The following LHX4 variants were observed in gnomAD, a reference collection of about 807,000 sequenced individuals.
LHX4 encodes the protein LIM/homeobox protein Lhx4.
LHX4 carries 16 observed loss-of-function variants against 39.2 expected under a neutral mutation model. The observed-to-expected ratio is 0.41, with a 90% CI of 0.28 to 0.62. The LOEUF is 0.62. LHX4 is among the 20% of genes least tolerant of loss of function. LHX4 has a pLI of 0.33. For synonymous variants in LHX4, 206 were observed against 198.1 expected, an observed-to-expected ratio of 1.04 and a Z score of -0.33; for missense variants, 439 against 511.9, an observed-to-expected ratio of 0.86 and a Z score of 1.37.
chr1:180,273,032 C>CT (rs149593456), intron 5 of LHX4: 14,166 of 152,256 alleles, frequency 0.093, 871 homozygotes, highest in Admixed American at 0.19. Context: ...TTCCTGCTCC[C>CT]TTTAAAGAGC....
intron 2 of LHX4, 171 bp downstream of exon 2, chr1:180,248,627 C>T: frequency 1.4e-6 from 1 of 720,384 alleles, no homozygotes; most frequent in Admixed American, 2.0e-5. Context: ...CCCTTCTGAT[C>T]ACTGGCCCAT....
intron 3 of LHX4, among the ~76,000 whole-genome samples, chr1:180,267,333 C>T (rs1310099416): frequency 1.3e-5 from 2 of 152,274 alleles, no homozygotes; most frequent in Non-Finnish European, 2.9e-5. Flanking sequence ...AGTCAGGTCC[C>T]GCATTTAGCA....
rs982611927 is a variant in LHX4 at position 180,278,559 on chromosome 1, G to A, written c.*3980G>A. On this transcript the variant is annotated 3_prime_UTR_variant, in exon 6 of 6. Coordinates refer to ENST00000263726, the MANE Select transcript of LHX4 (RefSeq NM_033343.4). The stretch of plus-strand genomic sequence containing the variant: ...TGCACCAAGCATTCCTTTGCTTAGG[G>A]AGGCAGAGCACAGGTGAACAGAGGA... 6.6e-6 allele frequency: 1 copy of A among 151,946 alleles called. No individual in the cohort carries two copies. Among genetic ancestry groups the A allele is most frequent in the Admixed American group, 6.6e-5 (1 of 15,232 alleles). 9.4% of individuals were successfully genotyped at this position (151,946 alleles called of 1,614,324 possible).
At chr1:180,251,948 G>T (rs1481824085) in intron 2 of LHX4, among the ~76,000 whole-genome samples, 3 of 152,154 alleles carry the variant, frequency 2.0e-5, no homozygotes, top group Non-Finnish European at 2.9e-5. Flanking sequence ...TGAAGACCAG[G>T]TGGCTCTGAA....
rs1648306946 is a variant in LHX4 at position 180,266,242 on chromosome 1, G to C, written c.249-150G>C. 1.4e-6 allele frequency: 1 copy of C among 736,074 alleles called. No homozygotes were observed. Among genetic ancestry groups the C allele is most frequent in the East Asian group, 2.6e-5 (1 of 38,032 alleles). 45.6% of individuals were successfully genotyped at this position (736,074 alleles called of 1,614,324 possible). ...AGCAATGAAGCTAGATGGAGGCAGA[G>C]AGGACCAGACGGTAAGCTCTGGGTG... On this transcript the variant is annotated intron_variant, in intron 2 of 5. Transcript: ENST00000263726. This position sits in a 1 kb window ranked among gnomAD's most constrained non-coding sequence, Gnocchi z 5.7.
rs1373028619 is a variant in LHX4, at chr1:180,230,356, G to A, written c.-174G>A. ...GGAAACAGACTGGGGACTGGCGGGG[G>A]GAGGGGGCCGGCCAGCCTGTGGAGT... On this transcript the variant is annotated 5_prime_UTR_variant, in exon 1 of 6. Coordinates refer to ENST00000263726, the MANE Select transcript of LHX4 (RefSeq NM_033343.4). The surrounding 1 kb of genome is among the most constrained non-coding windows in gnomAD (Gnocchi z 5.8). The A allele has an allele frequency of 1.5e-6, 1 of 651,150 alleles. No homozygotes were observed. Among genetic ancestry groups the A allele is most frequent in the East Asian group, 2.7e-5 (1 of 36,738 alleles). 40.3% of individuals were successfully genotyped at this position (651,150 alleles called of 1,614,324 possible). A position where few individuals can be genotyped will look rare whatever the true frequency, so the allele number is the denominator to read the frequency against.
chr1:180,236,723 T>C (rs750945421), intron 1 of LHX4, among the ~76,000 whole-genome samples: 21 of 152,002 alleles, frequency 1.4e-4, no homozygotes, highest in Non-Finnish European at 2.8e-4. Context: ...TGCCTTTTCT[T>C]TCAATTAAGG....
intron 3 of LHX4, chr1:180,270,018 CAT>C (rs1367409604): frequency 2.0e-5 from 3 of 152,306 alleles, no homozygotes; most frequent in Non-Finnish European, 2.9e-5. Context: ...TGTGTACACA[CAT>C]GTCCTGGCTG....
At chr1:180,229,246 C>T (rs565478589), upstream of LHX4, among the ~76,000 whole-genome samples, 100 of 152,376 alleles carry the variant, frequency 6.6e-4, 1 homozygote, top group African/African-American at 2.3e-3. Flanking sequence ...TTCAAAGCAC[C>T]CGCGGTGGCA....
At position 180,274,619 on chromosome 1, in the gene LHX4, G is replaced by A; in HGVS notation, c.*40G>A. Reference sequence around the variant, plus strand: ...CACCCTACCTGCCCCCCTGGCTTGAGAGAATATCTTCAAGGATCAAAAGAG... The same window carrying A: ...CACCCTACCTGCCCCCCTGGCTTGAAAGAATATCTTCAAGGATCAAAAGAG... On this transcript the variant is annotated 3_prime_UTR_variant, in exon 6 of 6. Coordinates refer to ENST00000263726, the MANE Select transcript of LHX4 (RefSeq NM_033343.4). 3 of 1,515,484 alleles carry A rather than the reference G, an allele frequency of 2.0e-6. No individual in the cohort carries two copies. The highest frequency in any genetic ancestry group is 2.6e-6 in the Non-Finnish European group (3 of 1,136,000). The allele number at this position is 1,515,484 out of a possible 1,614,324, so 93.9% of individuals were successfully genotyped here. A position where few individuals can be genotyped will look rare whatever the true frequency, so the allele number is the denominator to read the frequency against.
At chr1:180,255,397 C>G (rs536717849) in intron 2 of LHX4, among the ~76,000 whole-genome samples, 20 of 152,196 alleles carry the variant, frequency 1.3e-4, no homozygotes, top group African/African-American at 4.8e-4. Flanking sequence ...CGCACACACG[C>G]GTGCACACAC....
intron 2 of LHX4, among the ~76,000 whole-genome samples, chr1:180,255,857 C>A (rs906650940): frequency 6.6e-6 from 1 of 152,256 alleles, no homozygotes; most frequent in African/African-American, 2.4e-5. Flanking sequence ...TTAGAGGAAT[C>A]TGTTTGGAAT....
At chr1:180,262,961 G>A (rs1475165664) in intron 2 of LHX4, among the ~76,000 whole-genome samples, 1 of 152,210 alleles carries the variant, frequency 6.6e-6, no homozygotes, top group East Asian at 1.9e-4. Context: ...AGCTCCAGCT[G>A]CTCTCCTGGG....
At chr1:180,252,441 T>G in intron 2 of LHX4, among the ~76,000 whole-genome samples, 1 of 151,804 alleles carries the variant, frequency 6.6e-6, no homozygotes, top group Non-Finnish European at 1.5e-5. Flanking sequence ...CTAGGGAGAG[T>G]CCCTTTTCCA....
At position 180,277,653 on chromosome 1, in the gene LHX4, G is replaced by C. The variant is rs1346369009; in HGVS notation, c.*3074G>C. 1 of 152,210 alleles carries C rather than the reference G, an allele frequency of 6.6e-6. No homozygotes were observed. The highest frequency in any genetic ancestry group is 1.5e-5 in the Non-Finnish European group (1 of 68,042). The allele number at this position is 152,210 out of a possible 1,614,324, so 9.4% of individuals were successfully genotyped here. A position where few individuals can be genotyped will look rare whatever the true frequency, so the allele number is the denominator to read the frequency against. On this transcript the variant is annotated 3_prime_UTR_variant, in exon 6 of 6. Coordinates refer to ENST00000263726, the MANE Select transcript of LHX4 (RefSeq NM_033343.4). ...ATGGGTAAATCAGTGTTGGGAGTCA[G>C]GTTCTTGGCCCTTCAAGGACTTGCT...
chr1:180,229,974 G>GGGGGGGC (rs1664133115), upstream of LHX4, among the ~76,000 whole-genome samples: 1 of 105,496 alleles, frequency 9.5e-6, no homozygotes, highest in African/African-American at 3.3e-5. Flanking sequence ...AGGGGGGGGG[G>GGGGGGGC]GTGCCGGCTT....
upstream of LHX4, chr1:180,230,245 A>T: frequency 7.3e-6 from 3 of 413,304 alleles, no homozygotes; most frequent in South Asian, 5.2e-5. The surrounding 1 kb of genome is among the most constrained non-coding windows in gnomAD (Gnocchi z 5.8). Flanking sequence ...CGGGCGGGGG[A>T]GGGAAGAGGA....
At position 180,274,357 on chromosome 1, in the gene LHX4, A is replaced by G. The variant is rs1314290705; in HGVS notation, c.951A>G (p.Ile317Met). ...PYGIPQSPSS[I>M]SSLPSHAPLL... ...GAATCCCCCAGTCTCCATCCTCCAT[A>G]TCGTCCCTGCCATCCCACGCTCCTT... The change falls in exon 6 of 6, where the codon ATA (isoleucine) becomes ATG (methionine). Residue 317 changes from isoleucine (I) to methionine (M), a missense_variant. Physicochemically the swap from Ile to Met is conservative, Grantham distance 10. Coordinates refer to ENST00000263726, the MANE Select transcript of LHX4 (RefSeq NM_033343.4). 1.2e-6 allele frequency: 2 copies of G among 1,614,062 alleles called. No individual in the cohort carries two copies. Among genetic ancestry groups the G allele is most frequent in the African/African-American group, 2.7e-5 (2 of 74,922 alleles).
At chr1:180,240,975 C>T (rs1290545986) in intron 1 of LHX4, among the ~76,000 whole-genome samples, 1 of 152,168 alleles carries the variant, frequency 6.6e-6, no homozygotes, top group Non-Finnish European at 1.5e-5. Context: ...GGTCTGTAGC[C>T]ATTTCTTATC....
Sources: gnomAD v4.1 joint callset for allele counts (sites outside exome capture counted in the v4.1 genomes callset) on GRCh38, gnomAD v4.1.1 for gene constraint, Gnocchi (gnomAD v3.1) non-coding constraint, MANE v1.5 for transcripts, NCBI Gene and HGNC (gene_info 2026-07-23, HGNC 2026-07-21) for gene names.